Variants in CDKN2B-AS1 observed in about 807,000 individuals in gnomAD.
CDKN2B-AS1 encodes the protein CDKN2B and CDKN2A antisense cis and trans regulatory RNA 1, also known as CDKN2B antisense RNA 1 (non-protein coding).
rs545845544 is a variant in CDKN2B-AS1 at position 22,060,689 on chromosome 9, C to T, written n.438+4302C>T. On this transcript the variant is annotated intron_variant and non_coding_transcript_variant, in intron 4 of 4. Transcript: ENST00000650946. Reference sequence around the variant, plus strand: ...TCTGTTTTCATGCTGCTGATAAAGACATACCTGAAACTAGGAACAAAAAGA... The same window carrying T: ...TCTGTTTTCATGCTGCTGATAAAGATATACCTGAAACTAGGAACAAAAAGA... Among the ~76,000 whole-genome samples, 9 of 152,298 alleles carry T rather than the reference C, an allele frequency of 5.9e-5. No homozygotes were observed. The South Asian group carries it at 1.9e-3, about 32-fold the overall frequency.
At chr9:22,038,049 G>A (rs1369621370) in intron 1 of CDKN2B-AS1, among the ~76,000 whole-genome samples, 5 of 151,942 alleles carry the variant, frequency 3.3e-5, no homozygotes, top group Non-Finnish European at 7.4e-5. Context: ...TTTCTTTATA[G>A]TACTTACACA....
intron 4 of CDKN2B-AS1, among the ~76,000 whole-genome samples, chr9:22,125,391 A>T (rs891582378): frequency 2.6e-5 from 4 of 152,108 alleles, no homozygotes; most frequent in Non-Finnish European, 5.9e-5. Context: ...AAATAAACTA[A>T]CTCTGCTTCA....
intron 4 of CDKN2B-AS1, among the ~76,000 whole-genome samples, chr9:22,108,903 C>T (rs1237459742): frequency 2.0e-5 from 3 of 151,978 alleles, no homozygotes; most frequent in Non-Finnish European, 2.9e-5. Flanking sequence ...GGCTACCAAA[C>T]CTTTGAACAT....
At chr9:22,013,730 G>C (rs1251618262) in intron 1 of CDKN2B-AS1, among the ~76,000 whole-genome samples, 1 of 152,164 alleles carries the variant, frequency 6.6e-6, no homozygotes, top group Non-Finnish European at 1.5e-5. Context: ...TGGATTGCAA[G>C]TGTGAACCAC....
Position 22,098,851 on chromosome 9 carries a change from G to T in CDKN2B-AS1, n.439-28252G>T, listed in dbSNP as rs907035392. Among the ~76,000 whole-genome samples, 7 of 152,232 alleles carry T rather than the reference G, an allele frequency of 4.6e-5. 1 individual carries two copies. In the South Asian group the frequency reaches 1.5e-3, roughly 32 times the overall value. On this transcript the variant is annotated intron_variant and non_coding_transcript_variant, in intron 4 of 4. Coordinates refer to ENST00000650946, the Ensembl canonical transcript of CDKN2B-AS1. ...ACACCTCCATTACTACAGATGTGTT[G>T]ATTACATCTAGGGGCCAAAGTACAC... is the stretch of plus-strand genomic sequence containing the variant.
intron 4 of CDKN2B-AS1, among the ~76,000 whole-genome samples, chr9:22,098,155 C>CACTG (rs1825349037): frequency 7.5e-6 from 1 of 132,618 alleles, no homozygotes; most frequent in Admixed American, 6.8e-5. Context: ...CTCTCTCTGT[C>CACTG]TCTGTGTGTG....
At chr9:22,008,610 T>C (rs1821312683) in intron 1 of CDKN2B-AS1, 2 of 1,539,330 alleles carry the variant, frequency 1.3e-6, no homozygotes, top group East Asian at 2.3e-5. Context: ...AAACAGTGGG[T>C]TTTTCAATGT....
intron 3 of CDKN2B-AS1, among the ~76,000 whole-genome samples, chr9:22,049,652 G>A (rs1342573949): frequency 6.6e-6 from 1 of 152,154 alleles, no homozygotes; most frequent in Non-Finnish European, 1.5e-5. Context: ...ATTCTTCAGA[G>A]AGCTGGGATG....
rs1821870681 is a variant in CDKN2B-AS1 at position 22,018,374 on chromosome 9, T to A, written n.29+23213T>A. Among the ~76,000 whole-genome samples, 6 of 146,856 alleles carry A rather than the reference T, an allele frequency of 4.1e-5. No homozygotes were observed. The Admixed American group carries it at 4.1e-4, about 10-fold the overall frequency. On this transcript the variant is annotated intron_variant and non_coding_transcript_variant, in intron 1 of 4. Transcript: ENST00000650946. ...TACATATTACTGATAACATATGCCATGGGCCGCGCATGGTGGCTCACGCCT... is the reference window on the plus strand; with the variant it reads ...TACATATTACTGATAACATATGCCAAGGGCCGCGCATGGTGGCTCACGCCT...
chr9:22,040,587 A>G (rs559630439), intron 1 of CDKN2B-AS1, among the ~76,000 whole-genome samples: 160 of 152,048 alleles, frequency 1.1e-3, no homozygotes, highest in African/African-American at 3.8e-3. Flanking sequence ...CAGATTGTTC[A>G]TGTGTATGGA....
intron 1 of CDKN2B-AS1, among the ~76,000 whole-genome samples, chr9:22,034,197 C>A (rs1822591950): frequency 6.6e-6 from 1 of 152,152 alleles, no homozygotes; most frequent in Admixed American, 6.5e-5. Context: ...ACTTTATGTG[C>A]TTTCCATATT....
chr9:22,008,629 A>C (rs1379301504), intron 1 of CDKN2B-AS1: 1 of 1,581,208 alleles, frequency 6.3e-7, no homozygotes, highest in Non-Finnish European at 8.6e-7. Flanking sequence ...GTCTCTCTTT[A>C]GGATTTTTGC....
intron 4 of CDKN2B-AS1, among the ~76,000 whole-genome samples, chr9:22,100,228 C>T (rs1327443389): frequency 6.6e-6 from 1 of 152,132 alleles, no homozygotes; most frequent in South Asian, 2.1e-4. Flanking sequence ...TTAGTAGAGT[C>T]ATTGAGTAGT....
intron 4 of CDKN2B-AS1, among the ~76,000 whole-genome samples, chr9:22,099,534 G>A (rs1282081881): frequency 6.6e-6 from 1 of 152,070 alleles, no homozygotes; most frequent in African/African-American, 2.4e-5. Context: ...TCTGAAATTG[G>A]AATGAATCTT....
intron 1 of CDKN2B-AS1, among the ~76,000 whole-genome samples, chr9:22,021,760 C>G (rs1475989604): frequency 6.6e-6 from 1 of 152,038 alleles, no homozygotes; most frequent in African/African-American, 2.4e-5. Context: ...GACTTCCTCT[C>G]TTCTTATTTG....
chr9:22,096,024 T>A (rs1378135038), intron 4 of CDKN2B-AS1, among the ~76,000 whole-genome samples: 1 of 152,084 alleles, frequency 6.6e-6, no homozygotes, highest in Non-Finnish European at 1.5e-5. Flanking sequence ...AAAAAGCTTC[T>A]CCCCCGTGGG....
intron 4 of CDKN2B-AS1, chr9:22,120,360 C>T (rs1020894425): frequency 2.6e-5 from 4 of 152,204 alleles, no homozygotes; most frequent in African/African-American, 9.6e-5. Flanking sequence ...TTAAATGAGG[C>T]TGAGAGCATG....
At chr9:22,009,996 AATTATACT>A (rs886928383) in intron 1 of CDKN2B-AS1, among the ~76,000 whole-genome samples, 1 of 152,190 alleles carries the variant, frequency 6.6e-6, no homozygotes, top group African/African-American at 2.4e-5. Context: ...GACAAAAAAA[AATTATACT>A]TTAAGAATCT....
At position 22,005,922 on chromosome 9, in the gene CDKN2B-AS1, G is replaced by C; in HGVS notation, n.29+10761G>C. The C allele has an allele frequency of 6.3e-7, 1 of 1,578,618 alleles. No homozygotes were observed. The highest frequency in any genetic ancestry group is 1.1e-5 in the South Asian group (1 of 88,350). On this transcript the variant is annotated intron_variant and non_coding_transcript_variant, in intron 1 of 4. Coordinates refer to ENST00000650946, the Ensembl canonical transcript of CDKN2B-AS1. This position sits in a 1 kb window ranked among gnomAD's most constrained non-coding sequence, Gnocchi z 4.9. ...CCCGTTGGCAGCCTTCATCGAATTAGGTGGGTGGGGGTGGGAAATTGGGTA... is the reference window on the plus strand; with the variant it reads ...CCCGTTGGCAGCCTTCATCGAATTACGTGGGTGGGGGTGGGAAATTGGGTA...
Sources: allele counts gnomAD v4.1 joint callset (sites outside exome capture counted in the v4.1 genomes callset), GRCh38; gene constraint gnomAD v4.1.1; non-coding constraint Gnocchi (gnomAD v3.1); transcripts MANE v1.5; gene names NCBI Gene and HGNC (gene_info 2026-07-23, HGNC 2026-07-21).